RYR3: variants seen among roughly 807,000 people sequenced by gnomAD.
RYR3 encodes ryanodine receptor 3, also known as brain ryanodine receptor-calcium release channel.
A neutral mutation model predicts 584.3 loss-of-function variants in RYR3; 207 were observed. The observed-to-expected ratio is 0.35, with a 90% CI of 0.32 to 0.40. RYR3 has a LOEUF of 0.40. RYR3 is among the 10% of genes least tolerant of loss of function. The pLI is 1.00. For missense variants in RYR3, 5,616 were observed against 6,089.2 expected, an observed-to-expected ratio of 0.92 and a Z score of 2.59; for synonymous variants, 2,416 against 2,248.5, an observed-to-expected ratio of 1.07 and a Z score of -2.11.
intron 95 of RYR3, among the ~76,000 whole-genome samples, 156 bp downstream of exon 95, chr15:33,853,243 T>A (rs721400): frequency 0.7 from 106,513 of 152,128 alleles, 40,654 homozygotes; most frequent in Non-Finnish European, 0.86. Flanking sequence ...TATGAACATA[T>A]GTAGGTTTTT....
At chr15:33,854,672 TCCTCAGTGTGTCTCCCAAA>T in intron 97 of RYR3, 75 bp from the exon 98 acceptor site, 1 of 1,483,298 alleles carries the variant, frequency 6.7e-7, no homozygotes, top group South Asian at 1.3e-5. Context: ...ACCCCCTCTA[TCCTCAGTGTGTCTCCCAAA>T]ATAAGAAAAA....
At chr15:33,627,854 G>A (rs2061071359) in intron 20 of RYR3, among the ~76,000 whole-genome samples, 1 of 152,072 alleles carries the variant, frequency 6.6e-6, no homozygotes, top group Non-Finnish European at 1.5e-5. Flanking sequence ...GTAATGGAGA[G>A]AAGGGAATCC....
At chr15:33,767,666 G>A (rs947142473) in intron 60 of RYR3, among the ~76,000 whole-genome samples, 1 of 152,164 alleles carries the variant, frequency 6.6e-6, no homozygotes, top group Non-Finnish European at 1.5e-5. Flanking sequence ...TCAGAAACTG[G>A]GAATGTGTCA....
chr15:33,563,286 T>C (rs1034050639), intron 11 of RYR3, among the ~76,000 whole-genome samples: 3 of 152,262 alleles, frequency 2.0e-5, no homozygotes, highest in African/African-American at 7.2e-5. Flanking sequence ...TCTAAATGAC[T>C]TTTGGTGATG....
chr15:33,480,339 A>G (rs2049845819), intron 2 of RYR3, among the ~76,000 whole-genome samples: 1 of 152,208 alleles, frequency 6.6e-6, no homozygotes, highest in African/African-American at 2.4e-5. Flanking sequence ...TCATAGGATT[A>G]TTATGAAGAT....
rs752109625 is a variant in RYR3 at position 33,864,121 on chromosome 15, T to C, written c.14466-17T>C. On this transcript the variant is annotated splice_polypyrimidine_tract_variant and intron_variant, in intron 102 of 103. Coordinates refer to ENST00000634891, the MANE Select transcript of RYR3 (RefSeq NM_001036.6). ...GTCTTGACCAGAGTATCTAATACTA[T>C]CTTTTCCTCGTTCCAGGTTCTTTCT... 1.3e-6 allele frequency: 2 copies of C among 1,598,644 alleles called. No homozygotes were observed. The highest frequency in any genetic ancestry group is 3.4e-5 in the Admixed American group (2 of 59,292).
intron 38 of RYR3, among the ~76,000 whole-genome samples, chr15:33,676,118 G>T (rs1175290225): frequency 6.6e-6 from 1 of 152,092 alleles, no homozygotes; most frequent in Non-Finnish European, 1.5e-5. Context: ...TAATCCCAAG[G>T]GTTCTCAAGA....
chr15:33,436,553 T>G (rs957270119), intron 1 of RYR3, among the ~76,000 whole-genome samples: 32 of 150,528 alleles, frequency 2.1e-4, no homozygotes, highest in African/African-American at 7.6e-4. Flanking sequence ...CAGGCTGGAG[T>G]GCAGTGATGC....
At chr15:33,467,309 G>A (rs2048569523) in intron 1 of RYR3, among the ~76,000 whole-genome samples, 1 of 152,136 alleles carries the variant, frequency 6.6e-6, no homozygotes, top group African/African-American at 2.4e-5. Flanking sequence ...CTAACTATAG[G>A]GCTGTCATCA....
At chr15:33,363,052 T>G (rs1974991402) in intron 1 of RYR3, among the ~76,000 whole-genome samples, 1 of 152,186 alleles carries the variant, frequency 6.6e-6, no homozygotes, top group African/African-American at 2.4e-5. Flanking sequence ...TGACTGCTCC[T>G]TCCCCAACAC....
intron 42 of RYR3, among the ~76,000 whole-genome samples, chr15:33,702,260 G>C (rs2066360188): frequency 6.6e-6 from 1 of 152,158 alleles, no homozygotes; most frequent in Admixed American, 6.5e-5. Flanking sequence ...CCACTGGAGA[G>C]TATTAGGCAA....
In RYR3 at chr15:33,736,106, G is replaced by C. The variant is rs982046817; in HGVS notation, c.7425-129G>C. ...TTTCATCATCTACTCTTGTTTATCC[G>C]AGATCTTGTGTATTAGGAGCTGTTT... On this transcript the variant is annotated intron_variant, in intron 48 of 103. Transcript: ENST00000634891. The C allele has an allele frequency of 5.2e-6, 3 of 581,154 alleles. No homozygotes were observed. In the African/African-American group the frequency reaches 5.7e-5, roughly 11 times the overall value. The allele number at this position is 581,154 out of a possible 1,614,324, so 36.0% of individuals were successfully genotyped here. A position where few individuals can be genotyped will look rare whatever the true frequency, so the allele number is the denominator to read the frequency against.
rs563395961 is a variant in RYR3, at chr15:33,580,797, TC to T, written c.1437+655del. 2.0e-5 allele frequency among the ~76,000 whole-genome samples: 3 copies of T among 152,196 alleles called. No homozygotes were observed. In the South Asian group the frequency reaches 6.2e-4, roughly 31 times the overall value. ...GCACAGGGCTTGTCCCTTGGGCATT[TC>T]CAAAGTTAGTGGTGTGGGATGTAAA... On this transcript the variant is annotated intron_variant, in intron 13 of 103. Transcript: ENST00000634891.
At chr15:33,703,051 A>G (rs1229504112) in intron 42 of RYR3, among the ~76,000 whole-genome samples, 1 of 152,062 alleles carries the variant, frequency 6.6e-6, no homozygotes, top group Non-Finnish European at 1.5e-5. Flanking sequence ...CAGATTTACC[A>G]CTCACGAAGA....
At chr15:33,455,997 C>T (rs572141287) in intron 1 of RYR3, among the ~76,000 whole-genome samples, 3 of 152,186 alleles carry the variant, frequency 2.0e-5, no homozygotes, top group Non-Finnish European at 4.4e-5. Flanking sequence ...ATACTAATCA[C>T]AAGACACTTT....
chr15:33,312,993 A>G (rs768111330), intron 1 of RYR3, among the ~76,000 whole-genome samples: 59 of 152,350 alleles, frequency 3.9e-4, no homozygotes, highest in Non-Finnish European at 7.2e-4. Flanking sequence ...CACCCATGAC[A>G]GCCTGTGGGG....
At chr15:33,483,215 A>G (rs2142370726) in intron 2 of RYR3, among the ~76,000 whole-genome samples, 1 of 151,400 alleles carries the variant, frequency 6.6e-6, no homozygotes, top group South Asian at 2.1e-4. Context: ...CATTATTCCC[A>G]TTTTTTTGGT....
intron 1 of RYR3, among the ~76,000 whole-genome samples, chr15:33,440,618 C>G (rs1257878966): frequency 6.6e-6 from 1 of 152,166 alleles, no homozygotes; most frequent in Non-Finnish European, 1.5e-5. Context: ...GTCAGTAGCG[C>G]TAACTTTAAA....
At chr15:33,332,580 G>A (rs1970489847) in intron 1 of RYR3, among the ~76,000 whole-genome samples, 1 of 151,912 alleles carries the variant, frequency 6.6e-6, no homozygotes, top group Admixed American at 6.6e-5. Flanking sequence ...TAGGCAATCA[G>A]TATCATATAA....
Sources: gnomAD v4.1 joint callset for allele counts (sites outside exome capture counted in the v4.1 genomes callset) on GRCh38, gnomAD v4.1.1 for gene constraint, MANE v1.5 for transcripts, NCBI Gene and HGNC (gene_info 2026-07-23, HGNC 2026-07-21) for gene names.